PDCD7: variants seen among roughly 807,000 people sequenced by gnomAD.
PDCD7 encodes the protein programmed cell death 7.
PDCD7 carries 40 observed loss-of-function variants against 42.1 expected under a neutral mutation model. That is an observed-to-expected ratio of 0.95 (90% CI 0.74 to 1.24). The LOEUF (loss-of-function observed/expected upper bound fraction) is 1.24. Among genes scored for constraint, PDCD7 ranks in the 50% most tolerant of loss-of-function variants. The probability of loss-of-function intolerance (pLI) is 0.00; values close to 1 mark genes in which losing one functional copy is unlikely to be tolerated. For missense variants in PDCD7, 644 were observed against 662.8 expected, an observed-to-expected ratio of 0.97 and a Z score of 0.31; for synonymous variants, 299 against 303.3, an observed-to-expected ratio of 0.99 and a Z score of 0.15.
At position 65,133,547 on chromosome 15, in the gene PDCD7, C is replaced by T. The variant is rs972414170; in HGVS notation, c.235G>A (p.Ala79Thr). ...EASRGGGGAG[A>T]FYPVPPPPLP... ...GGCGGTGGTGGCACCGGGTAGAAGGCGCCAGCGCCGCCTCCGCCGCGGGAG... is the reference window on the plus strand; with the variant it reads ...GGCGGTGGTGGCACCGGGTAGAAGGTGCCAGCGCCGCCTCCGCCGCGGGAG... The change falls in exon 1 of 5, where the codon GCC becomes ACC. Residue 79 changes from alanine to threonine, a missense_variant. Ala to Thr is a moderately conservative substitution (Grantham distance 58, BLOSUM62 0). Transcript: ENST00000204549. 4 of 1,229,422 alleles carry T rather than the reference C, an allele frequency of 3.3e-6. No individual in the cohort carries two copies. Among genetic ancestry groups the T allele is most frequent in the South Asian group, 4.1e-5 (1 of 24,410 alleles). 76.2% of individuals were successfully genotyped at this position (1,229,422 alleles called of 1,614,324 possible). A position where few individuals can be genotyped will look rare whatever the true frequency, so the allele number is the denominator to read the frequency against.
intron 2 of PDCD7, among the ~76,000 whole-genome samples, chr15:65,122,726 G>A (rs2087465501): frequency 6.6e-6 from 1 of 152,052 alleles, no homozygotes; most frequent in South Asian, 2.1e-4. Context: ...AAAAATTCTT[G>A]GCCGGGCAGG....
intron 1 of PDCD7, among the ~76,000 whole-genome samples, chr15:65,132,404 AC>A (rs2087547989): frequency 6.6e-6 from 1 of 150,978 alleles, no homozygotes; most frequent in Non-Finnish European, 1.5e-5. Context: ...GGCGCCCGCC[AC>A]CACGCATGGC....
At chr15:65,121,259 G>C (rs2087452825) in intron 2 of PDCD7, among the ~76,000 whole-genome samples, 1 of 151,764 alleles carries the variant, frequency 6.6e-6, no homozygotes, top group Non-Finnish European at 1.5e-5. Flanking sequence ...CTCCATGTTG[G>C]TCAGGCTGGT....
At position 65,132,914 on chromosome 15, in the gene PDCD7, G is replaced by A. The variant is rs753235704; in HGVS notation, c.868C>T (p.Arg290Trp). Reference protein sequence around the residue: ...KCVQEVEEKKREQELKAAADG... With the variant: ...KCVQEVEEKKWEQELKAAADG... ...CCATGAGCGGCCGCTGCTCTCACCC[G>A]CTTCTTCTCCTCCACCTCCTGCACA... The change falls in exon 1 of 5, where the codon CGG (arginine) becomes TGG (tryptophan). Residue 290 changes from arginine to tryptophan, a missense_variant and splice_region_variant. Physicochemically the swap from Arg to Trp is moderately radical, Grantham distance 101. Transcript: ENST00000204549. 3 of 1,603,130 alleles carry A rather than the reference G, an allele frequency of 1.9e-6. No individual in the cohort carries two copies. The highest frequency in any genetic ancestry group is 1.3e-5 in the African/African-American group (1 of 74,966).
intron 1 of PDCD7, among the ~76,000 whole-genome samples, chr15:65,130,154 CTT>C (rs886281618): frequency 7.7e-5 from 8 of 103,660 alleles, no homozygotes; most frequent in Non-Finnish European, 1.6e-4. Flanking sequence ...CCCCAACCCT[CTT>C]TTTTTTTTTT....
At chr15:65,127,570 C>T (rs1272078653) in intron 2 of PDCD7, among the ~76,000 whole-genome samples, 1 of 151,494 alleles carries the variant, frequency 6.6e-6, no homozygotes, top group Non-Finnish European at 1.5e-5. Context: ...CCTGCTTAAA[C>T]ATCCAGCCTC....
Position 65,133,198 on chromosome 15 carries a change from AG to A in PDCD7, c.583del (p.Leu195CysfsTer32). On this transcript the variant is annotated frameshift_variant, in exon 1 of 5. Transcript: ENST00000204549. LOFTEE classifies it high-confidence loss of function. ...VRRLRGLSQA[L>X]REAEADGAAW... The stretch of plus-strand genomic sequence containing the variant: ...CGCGCCGTCGGCTTCGGCCTCGCGC[AG>A]GGCCTGGCTCAGGCCGCGCAGCCGC... 2 of 1,433,634 alleles carry A rather than the reference AG, an allele frequency of 1.4e-6. No individual in the cohort carries two copies. Among genetic ancestry groups the A allele is most frequent in the Non-Finnish European group, 1.8e-6 (2 of 1,104,900 alleles). The allele number at this position is 1,433,634 out of a possible 1,614,324, so 88.8% of individuals were successfully genotyped here.
chr15:65,130,251 G>A (rs1464260477), intron 1 of PDCD7, among the ~76,000 whole-genome samples: 2 of 146,316 alleles, frequency 1.4e-5, no homozygotes, highest in African/African-American at 5.1e-5. Flanking sequence ...TCCGCCTCCT[G>A]GGTTCAAGCG....
chr15:65,129,755 C>T (rs2087524339), intron 1 of PDCD7, among the ~76,000 whole-genome samples: 1 of 151,984 alleles, frequency 6.6e-6, no homozygotes, highest in Non-Finnish European at 1.5e-5. Context: ...ACTCTGTCAC[C>T]AATATCCTCA....
chr15:65,122,288 A>T (rs2087461897), intron 2 of PDCD7, among the ~76,000 whole-genome samples: 1 of 152,098 alleles, frequency 6.6e-6, no homozygotes, highest in Admixed American at 6.6e-5. Context: ...GTGAGCCAAG[A>T]TCATGCCACT....
intron 2 of PDCD7, among the ~76,000 whole-genome samples, chr15:65,128,000 G>A (rs551094749): frequency 5.3e-5 from 8 of 152,176 alleles, no homozygotes; most frequent in African/African-American, 1.4e-4. Context: ...TGAATTAGCC[G>A]CTCTGAAGGC....
intron 1 of PDCD7, among the ~76,000 whole-genome samples, chr15:65,132,207 A>C (rs984803784): frequency 2.0e-5 from 3 of 151,454 alleles, no homozygotes; most frequent in African/African-American, 7.3e-5. Context: ...TGTAAACAAA[A>C]GAATCCTAGG....
chr15:65,129,752 CACCA>C (rs1202896908), intron 1 of PDCD7, among the ~76,000 whole-genome samples: 1 of 152,030 alleles, frequency 6.6e-6, no homozygotes, highest in Non-Finnish European at 1.5e-5. Context: ...AAGACTCTGT[CACCA>C]ATATCCTCAC....
In PDCD7 at chr15:65,132,124, GTATATATATA is replaced by G. The variant is rs10570029; in HGVS notation, c.870+778_870+787del. 6.4e-5 allele frequency among the ~76,000 whole-genome samples: 9 copies of G among 140,956 alleles called. 1 individual carries two copies. The allele number at this position is 140,956 out of a possible 152,430, so 92.5% of individuals were successfully genotyped here. On this transcript the variant is annotated intron_variant, in intron 1 of 4. Coordinates refer to ENST00000204549, the MANE Select transcript of PDCD7 (RefSeq NM_005707.2). Reference sequence around the variant, plus strand: ...TATGTGTATATATATGTATGTATGTGTATATATATATATATATATAGTAAATGCTCCGAAA... The same window carrying G: ...TATGTGTATATATATGTATGTATGTGTATATATATAGTAAATGCTCCGAAA...
In PDCD7 at chr15:65,129,063, C is replaced by T; in HGVS notation, c.978G>A (p.Arg326=). 3.1e-6 allele frequency: 5 copies of T among 1,614,126 alleles called. No individual in the cohort carries two copies. The highest frequency in any genetic ancestry group is 4.2e-6 in the Non-Finnish European group (5 of 1,179,956). ...TCGCTGCAGCCTCTTTCCTCAGTTTCCTCAATTTCTCCAAAGCCCGTAGAA... is the reference window on the plus strand; with the variant it reads ...TCGCTGCAGCCTCTTTCCTCAGTTTTCTCAATTTCTCCAAAGCCCGTAGAA... The part of the protein sequence containing the change: ...VDILRALEKL[R]KLRKEAAARK... The change falls in exon 2 of 5, where the codon AGG becomes AGA. Residue 326 remains arginine (R), a synonymous_variant. Coordinates refer to ENST00000204549, the MANE Select transcript of PDCD7 (RefSeq NM_005707.2).
At chr15:65,130,136 G>A (rs1187243724) in intron 1 of PDCD7, among the ~76,000 whole-genome samples, 2 of 146,148 alleles carry the variant, frequency 1.4e-5, no homozygotes, top group Admixed American at 6.9e-5. Context: ...GAGCCACTTC[G>A]CACCCGCCCC....
In PDCD7 at chr15:65,125,146, C is replaced by T. The variant is rs77210366; in HGVS notation, c.1009+3886G>A. Among the ~76,000 whole-genome samples the T allele has an allele frequency of 5.7e-3, 872 of 152,288 alleles. 5 individuals are homozygous for T. The highest frequency in any genetic ancestry group is 0.014 in the Middle Eastern group (4 of 294). On this transcript the variant is annotated intron_variant, in intron 2 of 4. Transcript: ENST00000204549. ...TTTACACACTCATGTGCATCACTAC[C>T]TATCTTCATCTCCTTCATTTTCATG...
Position 65,119,407 on chromosome 15 carries a change from C to T in PDCD7, c.1303G>A (p.Glu435Lys), listed in dbSNP as rs367592671. 22 of 1,613,784 alleles carry T rather than the reference C, an allele frequency of 1.4e-5. No homozygotes were observed. Among genetic ancestry groups the T allele is most frequent in the East Asian group, 4.5e-5 (2 of 44,886 alleles). The change falls in exon 4 of 5, where the codon GAG (glutamate) becomes AAG (lysine). Residue 435 changes from glutamate (E) to lysine (K), a missense_variant. Physicochemically the swap from Glu to Lys is moderately conservative, Grantham distance 56. Coordinates refer to ENST00000204549, the MANE Select transcript of PDCD7 (RefSeq NM_005707.2). ...EPFRQYYLQA[E>K]HSLPALIQIR... ...TGGATGAGCGCTGGCAGGGAGTGCT[C>T]GGCTTGGAGATAATACTGTCGGAAA...
chr15:65,119,791 C>A lies in PDCD7; in HGVS notation c.1173G>T (p.Lys391Asn), dbSNP rs756364218. The A allele has an allele frequency of 6.2e-7, 1 of 1,612,212 alleles. No homozygotes were observed. Among genetic ancestry groups the A allele is most frequent in the African/African-American group, 1.3e-5 (1 of 74,716 alleles). ...TTTTCTCTTTTTCTTTTCTTTGTTT[C>A]TTTTCTAATTCTCTTTTCCTCTCTT... ...QEEERKRELE[K>N]KQRKEKEKIL... Residue 391 changes from lysine (K) to asparagine (N), a missense_variant, in exon 3 of 5, where the codon AAG becomes AAT. Coordinates refer to ENST00000204549, the MANE Select transcript of PDCD7 (RefSeq NM_005707.2).
Sources: gnomAD v4.1 joint callset for allele counts (sites outside exome capture counted in the v4.1 genomes callset) on GRCh38, gnomAD v4.1.1 for gene constraint, MANE v1.5 for transcripts, NCBI Gene and HGNC (gene_info 2026-07-23, HGNC 2026-07-21) for gene names.